The following DCAF6 variants were observed in gnomAD, a reference collection of about 807,000 sequenced individuals.
The protein encoded by DCAF6 is DDB1 and CUL4 associated factor 6, also known as DDB1- and CUL4-associated factor 6.
In DCAF6, 54 loss-of-function variants were observed where a neutral mutation model predicts 125.1. The ratio of observed to expected loss-of-function variants is 0.43; its 90% CI spans 0.35 to 0.54. The LOEUF (loss-of-function observed/expected upper bound fraction) is 0.54. Among genes scored for constraint, DCAF6 ranks in the 20% least tolerant of loss-of-function variants. The probability of loss-of-function intolerance (pLI) is 0.01; values close to 1 mark genes in which losing one functional copy is unlikely to be tolerated. For synonymous variants in DCAF6, 371 were observed against 390.4 expected (o/e 0.95, Z 0.58); for missense variants, 934 against 1,161.7 (o/e 0.80, Z 2.85).
intron 11 of DCAF6, among the ~76,000 whole-genome samples, chr1:168,016,469 C>A (rs1234457977): frequency 6.6e-6 from 1 of 152,066 alleles, no homozygotes; most frequent in Admixed American, 6.6e-5. Context: ...TCAATATTTG[C>A]TTTCTTATTC....
the DCAF6 span, chr1:167,914,284 T>C: frequency 6.6e-6 from 1 of 152,194 alleles, no homozygotes; most frequent in Non-Finnish European, 1.5e-5. Flanking sequence ...TTTCAGGTTC[T>C]CTTATCCGCA....
chr1:167,897,304 T>G, the DCAF6 span, among the ~76,000 whole-genome samples: 1 of 145,156 alleles, frequency 6.9e-6, no homozygotes, highest in Non-Finnish European at 1.5e-5. Flanking sequence ...TGGGTAACAA[T>G]GGTGAAATCC....
At chr1:167,921,181 A>AAT in the DCAF6 span, among the ~76,000 whole-genome samples, 1 of 152,052 alleles carries the variant, frequency 6.6e-6, no homozygotes, top group Non-Finnish European at 1.5e-5. Context: ...TTATTTTTTA[A>AAT]AAGTATAAAT....
intron 6 of DCAF6, among the ~76,000 whole-genome samples, chr1:167,991,799 C>T (rs1395240111): frequency 6.6e-6 from 1 of 152,064 alleles, no homozygotes; most frequent in African/African-American, 2.4e-5. Context: ...GCAATTTTCC[C>T]TGTGTGTGTC....
intron 1 of DCAF6, among the ~76,000 whole-genome samples, chr1:167,951,207 G>A (rs2102708505): frequency 6.6e-6 from 1 of 152,238 alleles, no homozygotes; most frequent in Admixed American, 6.5e-5. Context: ...ATAAATATTT[G>A]TTGAATGAAT....
chr1:168,035,024 A>G (rs914301713), intron 12 of DCAF6, among the ~76,000 whole-genome samples: 12 of 152,236 alleles, frequency 7.9e-5, no homozygotes, highest in Non-Finnish European at 1.2e-4. Context: ...GTAGTCCAGG[A>G]ATCCTAATTC....
At chr1:168,002,866 A>G (rs963778809) in intron 8 of DCAF6, among the ~76,000 whole-genome samples, 1 of 152,128 alleles carries the variant, frequency 6.6e-6, no homozygotes, top group African/African-American at 2.4e-5. Flanking sequence ...TACGTTGGGT[A>G]TTGTCAGACT....
chr1:167,977,643 TAAGA>T (rs1304883234), intron 4 of DCAF6, among the ~76,000 whole-genome samples: 2 of 152,182 alleles, frequency 1.3e-5, no homozygotes, highest in South Asian at 2.1e-4. Context: ...TTGAAAAATG[TAAGA>T]AATTTTCAGT....
At chr1:167,984,234 C>T (rs1327769799) in intron 4 of DCAF6, among the ~76,000 whole-genome samples, 1 of 152,162 alleles carries the variant, frequency 6.6e-6, no homozygotes, top group East Asian at 1.9e-4. Context: ...AGGTCTTATT[C>T]AGCCATTGCA....
intron 9 of DCAF6, 131 bp downstream of exon 9, chr1:168,004,120 G>C (rs1385705370): frequency 9.0e-7 from 1 of 1,115,412 alleles, no homozygotes; most frequent in Non-Finnish European, 1.3e-6. Flanking sequence ...TTATTGTGTG[G>C]TGTGAAGTAG....
the DCAF6 span, chr1:167,917,823 A>G: frequency 6.6e-6 from 1 of 152,346 alleles, no homozygotes; most frequent in Non-Finnish European, 1.5e-5. Context: ...TTTATACAAC[A>G]TTTATACAAA....
chr1:168,027,122 G>A (rs1305850109), intron 12 of DCAF6, among the ~76,000 whole-genome samples: 4 of 152,120 alleles, frequency 2.6e-5, no homozygotes, highest in South Asian at 2.1e-4. Context: ...ATTTGGCAAC[G>A]TGATTGCTTT....
At chr1:168,049,077 A>C (rs1689495817) in intron 16 of DCAF6, among the ~76,000 whole-genome samples, 1 of 152,240 alleles carries the variant, frequency 6.6e-6, no homozygotes, top group Non-Finnish European at 1.5e-5. Context: ...TAAATGGGAA[A>C]TAAATTGAAA....
upstream of DCAF6, chr1:167,935,956 C>A: frequency 1.3e-6 from 1 of 772,926 alleles, no homozygotes; most frequent in Non-Finnish European, 2.2e-6. Flanking sequence ...GTCCGCCTCT[C>A]GCCTGGAGTA....
chr1:167,904,908 C>CTA, the DCAF6 span: 63 of 1,593,820 alleles, frequency 4.0e-5, no homozygotes, highest in South Asian at 6.6e-4. Flanking sequence ...AATGGCCTCC[C>CTA]TACTCTGCAA....
chr1:168,009,178 T>A (rs542814114), intron 10 of DCAF6, among the ~76,000 whole-genome samples: 15 of 151,720 alleles, frequency 9.9e-5, no homozygotes, highest in Admixed American at 9.2e-4. Flanking sequence ...TTTTATACTT[T>A]TAGTAGAGAC....
At chr1:168,074,802 G>T (rs1235173121) in intron 21 of DCAF6, among the ~76,000 whole-genome samples, 2 of 152,116 alleles carry the variant, frequency 1.3e-5, no homozygotes, top group Non-Finnish European at 2.9e-5. Flanking sequence ...AATAGCAAGT[G>T]TAATTCCTGA....
the DCAF6 span, among the ~76,000 whole-genome samples, chr1:167,892,979 CA>C: frequency 1.3e-5 from 2 of 152,090 alleles, no homozygotes; most frequent in Non-Finnish European, 2.9e-5. Flanking sequence ...AAATATCTAC[CA>C]AGGACTGTAA....
At chr1:167,964,126 T>C (rs1403970462) in intron 2 of DCAF6, among the ~76,000 whole-genome samples, 1 of 152,214 alleles carries the variant, frequency 6.6e-6, no homozygotes, top group African/African-American at 2.4e-5. Flanking sequence ...CTTCACTTAT[T>C]CCTCCTTCAG....
Sources: gnomAD v4.1 joint callset for allele counts (sites outside exome capture counted in the v4.1 genomes callset) on GRCh38, gnomAD v4.1.1 for gene constraint, MANE v1.5 for transcripts, NCBI Gene and HGNC (gene_info 2026-07-23, HGNC 2026-07-21) for gene names.